Variants in C16orf89 observed in about 807,000 individuals in gnomAD.
The protein encoded by C16orf89 is chromosome 16 open reading frame 89.
In C16orf89, 57 loss-of-function variants were observed where a neutral mutation model predicts 41.5. That is an observed-to-expected ratio of 1.38 (90% CI 1.11 to 1.71). The LOEUF is 1.71. Ranked by LOEUF, C16orf89 falls within the 40% of genes most tolerant of loss-of-function variation. The pLI is 0.00. For missense variants in C16orf89, 575 were observed against 445.9 expected, an observed-to-expected ratio of 1.29 and a Z score of -2.61; for synonymous variants, 223 against 190.6, an observed-to-expected ratio of 1.17 and a Z score of -1.40.
chr16:5,062,888 T>C (rs368435692), intron 1 of C16orf89, among the ~76,000 whole-genome samples: 168 of 152,306 alleles, frequency 1.1e-3, no homozygotes, highest in African/African-American at 3.8e-3. Context: ...TACTTTCTTG[T>C]TGGATGGCCA....
intron 7 of C16orf89, among the ~76,000 whole-genome samples, chr16:5,047,341 G>A (rs1337114305): frequency 6.6e-6 from 1 of 152,134 alleles, no homozygotes; most frequent in Admixed American, 6.6e-5. Context: ...AGTTCCTGAC[G>A]CAGGTTCTAT....
chr16:5,057,504 T>C (rs891581185), intron 4 of C16orf89, among the ~76,000 whole-genome samples: 6 of 149,918 alleles, frequency 4.0e-5, no homozygotes, highest in African/African-American at 9.8e-5. Flanking sequence ...TGCCACCATA[T>C]ATATATTTTT....
chr16:5,054,313 C>A (rs1024345469), intron 6 of C16orf89, among the ~76,000 whole-genome samples: 1 of 152,054 alleles, frequency 6.6e-6, no homozygotes, highest in African/African-American at 2.4e-5. Context: ...AGGGGTGAAG[C>A]GACTTATTGC....
chr16:5,046,235 TTA>T (rs1956294603), intron 7 of C16orf89, among the ~76,000 whole-genome samples: 1 of 152,220 alleles, frequency 6.6e-6, no homozygotes, highest in Non-Finnish European at 1.5e-5. Context: ...GGAGAGATGT[TTA>T]GTTACTGGAA....
chr16:5,055,792 C>G (rs890962743), intron 5 of C16orf89: 11 of 1,462,318 alleles, frequency 7.5e-6, no homozygotes, highest in Non-Finnish European at 1.0e-5. Flanking sequence ...TTTGAGTTTT[C>G]GATAAACAAT....
chr16:5,050,674 G>T (rs909604483), intron 6 of C16orf89, among the ~76,000 whole-genome samples: 22 of 151,994 alleles, frequency 1.4e-4, no homozygotes, highest in African/African-American at 5.1e-4. Context: ...ACCAGCCAAG[G>T]ACAAAGCAAC....
intron 2 of C16orf89, among the ~76,000 whole-genome samples, chr16:5,060,945 C>CTTT (rs386384101): frequency 0.11 from 10,471 of 93,342 alleles, 1,008 homozygotes; most frequent in East Asian, 0.22. Context: ...TATGATCAGC[C>CTTT]TTTTTTTTTT....
At chr16:5,046,271 A>T (rs961626491) in intron 7 of C16orf89, among the ~76,000 whole-genome samples, 7 of 152,230 alleles carry the variant, frequency 4.6e-5, no homozygotes, top group Non-Finnish European at 7.3e-5. Flanking sequence ...TATGTTGGAC[A>T]TCCACTCTGT....
chr16:5,054,835 C>G (rs957904683), intron 6 of C16orf89, among the ~76,000 whole-genome samples: 9 of 152,206 alleles, frequency 5.9e-5, no homozygotes, highest in African/African-American at 2.2e-4. Context: ...CTCATTCTCT[C>G]TTGTCTGCCA....
At position 5,060,415 on chromosome 16, in the gene C16orf89, G is replaced by C; in HGVS notation, c.380C>G (p.Pro127Arg). ...YLREFQLTLQPGFWKLPHAWI... is the reference protein window; with the variant it reads ...YLREFQLTLQRGFWKLPHAWI... Reference sequence around the variant, plus strand: ...GGCATGTGGGAGCTTCCAAAACCCGGGCTGGAGGGTCAGCTGGAACTCTGG... The same window carrying C: ...GGCATGTGGGAGCTTCCAAAACCCGCGCTGGAGGGTCAGCTGGAACTCTGG... The change falls in exon 3 of 8, where the codon CCC (proline) becomes CGC (arginine). Residue 127 changes from proline (P) to arginine (R), a missense_variant. By Grantham distance (103) the Pro-to-Arg change is moderately radical (BLOSUM62 -2). Transcript: ENST00000472572. 6.2e-7 allele frequency: 1 copy of C among 1,613,224 alleles called. No homozygotes were observed. The highest frequency in any genetic ancestry group is 8.5e-7 in the Non-Finnish European group (1 of 1,179,672).
chr16:5,052,181 T>A (rs192774813), intron 6 of C16orf89, among the ~76,000 whole-genome samples: 1 of 142,664 alleles, frequency 7.0e-6, no homozygotes, highest in African/African-American at 2.6e-5. Context: ...AAAGAAGGCA[T>A]ACAAATGGCC....
At chr16:5,052,613 A>G (rs1956418717) in intron 6 of C16orf89, among the ~76,000 whole-genome samples, 1 of 152,116 alleles carries the variant, frequency 6.6e-6, no homozygotes, top group South Asian at 2.1e-4. Flanking sequence ...GAAAAAAAAA[A>G]AAGACAACAG....
At chr16:5,047,549 C>A (rs1956321621) in intron 7 of C16orf89, among the ~76,000 whole-genome samples, 1 of 151,682 alleles carries the variant, frequency 6.6e-6, no homozygotes, top group South Asian at 2.1e-4. Flanking sequence ...CTCACTGAAG[C>A]CTCCACCTCC....
intron 6 of C16orf89, among the ~76,000 whole-genome samples, chr16:5,054,619 G>A (rs372563822): frequency 6.6e-6 from 1 of 152,198 alleles, no homozygotes; most frequent in South Asian, 2.1e-4. Flanking sequence ...ATACGTACTT[G>A]CTGAATGAAT....
In C16orf89 at chr16:5,065,843, T is replaced by C. The variant is rs373541692; in HGVS notation, c.66A>G (p.Ser22=). 111 of 1,614,192 alleles carry C rather than the reference T, an allele frequency of 6.9e-5. No individual in the cohort carries two copies. Among genetic ancestry groups the C allele is most frequent in the Non-Finnish European group, 8.6e-5 (102 of 1,180,018 alleles). ...LTALPPLWSS[S]LPGLDTAESK... is the part of the protein sequence containing the mutation. Reference sequence around the variant, plus strand: ...TTTCAGCAGTGTCCAGCCCAGGCAGTGAGGAGGACCACAGCGGTGGCAGTG... The same window carrying C: ...TTTCAGCAGTGTCCAGCCCAGGCAGCGAGGAGGACCACAGCGGTGGCAGTG... Residue 22 remains serine (S), a synonymous_variant, in exon 1 of 8, where the codon TCA becomes TCG. Transcript: ENST00000472572.
intron 1 of C16orf89, among the ~76,000 whole-genome samples, chr16:5,063,072 C>T (rs151035218): frequency 0.016 from 2,460 of 152,186 alleles, 37 homozygotes; most frequent in Non-Finnish European, 0.02. Flanking sequence ...CACAGAGGTA[C>T]CCTGTGGGCT....
intron 1 of C16orf89, among the ~76,000 whole-genome samples, chr16:5,063,943 A>C (rs894454112): frequency 3.3e-5 from 5 of 152,276 alleles, no homozygotes; most frequent in African/African-American, 1.2e-4. Context: ...CATGGCCAAC[A>C]TGGTAAAACC....
chr16:5,052,077 G>T (rs1012863301), intron 6 of C16orf89, among the ~76,000 whole-genome samples: 1 of 142,272 alleles, frequency 7.0e-6, no homozygotes, highest in Non-Finnish European at 1.5e-5. Context: ...ACACCATCCT[G>T]GGTGACAGAA....
chr16:5,054,756 G>A (rs918920661), intron 6 of C16orf89, among the ~76,000 whole-genome samples: 4 of 152,128 alleles, frequency 2.6e-5, no homozygotes, highest in African/African-American at 7.2e-5. Flanking sequence ...CCCCCATACC[G>A]TTCTCACGGT....
Sources: gnomAD v4.1 joint callset for allele counts (sites outside exome capture counted in the v4.1 genomes callset) on GRCh38, gnomAD v4.1.1 for gene constraint, MANE v1.5 for transcripts, NCBI Gene and HGNC (gene_info 2026-07-23, HGNC 2026-07-21) for gene names.